The following ADAMTS13 variants were observed in gnomAD, a reference collection of about 807,000 sequenced individuals.
ADAMTS13 encodes ADAM metallopeptidase with thrombospondin type 1 motif 13.
In ADAMTS13, 110 loss-of-function variants were observed where a neutral mutation model predicts 155.1. The observed-to-expected ratio is 0.71, with a 90% CI of 0.61 to 0.83. The LOEUF is 0.83. Among genes scored for constraint, ADAMTS13 ranks in the 40% least tolerant of loss-of-function variants. The pLI is 0.00. For missense variants in ADAMTS13, 1,707 were observed against 1,891.7 expected (o/e 0.90, Z 1.81); for synonymous variants, 758 against 756.4 (o/e 1.00, Z -0.03).
intron 23 of ADAMTS13, among the ~76,000 whole-genome samples, chr9:133,452,238 G>A (rs1033631693): frequency 4.0e-5 from 6 of 151,812 alleles, no homozygotes; most frequent in African/African-American, 7.2e-5. Flanking sequence ...TCAGCTTCCC[G>A]AGTAGCTGGG....
At chr9:133,436,778 A>AGCCGGGC in intron 11 of ADAMTS13, 51 bp from the exon 12 acceptor site, 1 of 433,950 alleles carries the variant, frequency 2.3e-6, no homozygotes, top group Non-Finnish European at 4.6e-6. Context: ...CAGTGACAAC[A>AGCCGGGC]CCCGCCCCCC....
chr9:133,440,636 C>T lies in ADAMTS13; in HGVS notation c.1968+111C>T, dbSNP rs901411643. On this transcript the variant is annotated intron_variant, in intron 16 of 28. Transcript: ENST00000355699. The surrounding 1 kb of genome is among the most constrained non-coding windows in gnomAD (Gnocchi z 4.3). ...CTGATTCGTTCATTTATTCATTCAG[C>T]GGTCACTTACAGGGGACCCACTATG... 2.3e-5 allele frequency: 30 copies of T among 1,308,502 alleles called. 1 individual carries two copies. Among genetic ancestry groups the T allele is most frequent in the Middle Eastern group, 2.7e-4 (1 of 3,750 alleles). The allele number at this position is 1,308,502 out of a possible 1,614,324, so 81.1% of individuals were successfully genotyped here.
rs1841561033 is a variant in ADAMTS13 at position 133,440,246 on chromosome 9, G to A, written c.1787-98G>A. On this transcript the variant is annotated intron_variant, in intron 15 of 28. Transcript: ENST00000355699. This position sits in a 1 kb window ranked among gnomAD's most constrained non-coding sequence, Gnocchi z 4.3. ...CTCAGATGCCTGTGGCTCCTTAGAG[G>A]AGGGCTGGGGACCCCGGGAAGGAGA... 6.7e-7 allele frequency: 1 copy of A among 1,503,758 alleles called. No homozygotes were observed. Among genetic ancestry groups the A allele is most frequent in the African/African-American group, 1.4e-5 (1 of 72,746 alleles). 93.2% of individuals were successfully genotyped at this position (1,503,758 alleles called of 1,614,324 possible).
At chr9:133,418,776 A>C (rs979433795), upstream of ADAMTS13, among the ~76,000 whole-genome samples, 22 of 152,358 alleles carry the variant, frequency 1.4e-4, no homozygotes, top group African/African-American at 4.3e-4. Flanking sequence ...ATAACCGGTT[A>C]GGTCAAGGAT....
intron 11 of ADAMTS13, 43 bp downstream of exon 11, chr9:133,433,747 C>T (rs199534062): frequency 7.5e-6 from 12 of 1,605,196 alleles, no homozygotes; most frequent in Non-Finnish European, 9.3e-6. Context: ...CTGGTGGCAC[C>T]GGGCCCTGGG....
chr9:133,440,484 A>T lies in ADAMTS13; in HGVS notation c.1927A>T (p.Ile643Phe). The T allele has an allele frequency of 6.2e-7, 1 of 1,612,432 alleles. No individual in the cohort carries two copies. Among genetic ancestry groups the T allele is most frequent in the South Asian group, 1.1e-5 (1 of 90,986 alleles). Residue 643 changes from isoleucine to phenylalanine, a missense_variant, in exon 16 of 29, where the codon ATC becomes TTC. Ile to Phe is a conservative substitution (Grantham distance 21, BLOSUM62 0). Coordinates refer to ENST00000355699, the MANE Select transcript of ADAMTS13 (RefSeq NM_139027.6). The surrounding 1 kb of genome is among the most constrained non-coding windows in gnomAD (Gnocchi z 4.3). ...TEDRLPRLEE[I>F]RIWGPLQEDA... Reference sequence around the variant, plus strand: ...GGACCGGCTGCCCCGCCTGGAGGAGATCCGCATCTGGGGACCCCTCCAGGA... The same window carrying T: ...GGACCGGCTGCCCCGCCTGGAGGAGTTCCGCATCTGGGGACCCCTCCAGGA...
upstream of ADAMTS13, among the ~76,000 whole-genome samples, chr9:133,418,707 G>A (rs1048774543): frequency 2.9e-4 from 44 of 152,208 alleles, no homozygotes; most frequent in African/African-American, 1.0e-3. Flanking sequence ...GAACGCAACA[G>A]AACAGGACAG....
At chr9:133,422,628 C>A in intron 1 of ADAMTS13, 80 bp downstream of exon 1, 1 of 1,405,980 alleles carries the variant, frequency 7.1e-7, no homozygotes, top group Non-Finnish European at 1.0e-6. Flanking sequence ...GAGGGGAGTG[C>A]CAAATAGCTG....
chr9:133,456,029 C>T lies in ADAMTS13; in HGVS notation c.3401-40C>T, dbSNP rs199695827. ...CCCCGGAGCCTGCCCTGCTGGGAAT[C>T]GGGGAAGCACTGCTTACCTGTCTCC... On this transcript the variant is annotated intron_variant, in intron 25 of 28. Coordinates refer to ENST00000355699, the MANE Select transcript of ADAMTS13 (RefSeq NM_139027.6). The surrounding 1 kb of genome is among the most constrained non-coding windows in gnomAD (Gnocchi z 4.4). 401 of 1,612,706 alleles carry T rather than the reference C, an allele frequency of 2.5e-4. 2 individuals are homozygous for T. In the Middle Eastern group the frequency reaches 0.011, roughly 43 times the overall value.
intron 1 of ADAMTS13, among the ~76,000 whole-genome samples, 153 bp from the exon 2 acceptor site, chr9:133,422,948 T>C (rs1354044679): frequency 6.7e-6 from 1 of 148,186 alleles, no homozygotes; most frequent in Non-Finnish European, 1.5e-5. Flanking sequence ...TTTTTTTTTT[T>C]TTTTTTTTTA....
chr9:133,449,715 G>A, intron 22 of ADAMTS13, 68 bp from the exon 23 acceptor site: 1 of 1,573,764 alleles, frequency 6.4e-7, no homozygotes, highest in Non-Finnish European at 8.7e-7. Flanking sequence ...AAATGAAGGG[G>A]AGACCTGGCT....
intron 6 of ADAMTS13, among the ~76,000 whole-genome samples, chr9:133,426,684 T>C (rs587775683): frequency 2.2e-4 from 33 of 152,366 alleles, no homozygotes; most frequent in African/African-American, 7.9e-4. Context: ...AGTCTTTTCT[T>C]TACATACACA....
At chr9:133,439,658 T>C (rs587632729) in intron 15 of ADAMTS13, among the ~76,000 whole-genome samples, 1 of 152,308 alleles carries the variant, frequency 6.6e-6, no homozygotes, top group Admixed American at 6.5e-5. Context: ...CAGGTTAGAA[T>C]TGTCCAAGGG....
At chr9:133,444,094 G>A (rs994385439) in intron 19 of ADAMTS13, among the ~76,000 whole-genome samples, 5 of 152,104 alleles carry the variant, frequency 3.3e-5, no homozygotes, top group South Asian at 4.2e-4. Context: ...TCCCCGCCTC[G>A]TCATCCGTGG....
intron 11 of ADAMTS13, among the ~76,000 whole-genome samples, chr9:133,436,299 G>T (rs782112450): frequency 6.6e-6 from 1 of 151,930 alleles, no homozygotes; most frequent in Non-Finnish European, 1.5e-5. Context: ...GGACCACCAA[G>T]ACCTCCCCAG....
rs1554786832 is a variant in ADAMTS13 at position 133,430,120 on chromosome 9, G to A, written c.987+19G>A. ...GCACCTGGTGAGTCTGCCGGCGGTG[G>A]CCTGGGATTGGCTGTGAGGTCCCTC... On this transcript the variant is annotated intron_variant, in intron 8 of 28. Transcript: ENST00000355699. 5 of 1,565,628 alleles carry A rather than the reference G, an allele frequency of 3.2e-6. 1 individual carries two copies. The Middle Eastern group carries it at 6.7e-4, about 210-fold the overall frequency.
intron 11 of ADAMTS13, among the ~76,000 whole-genome samples, chr9:133,434,438 T>A (rs1027056582): frequency 6.6e-6 from 1 of 152,116 alleles, no homozygotes; most frequent in African/African-American, 2.4e-5. Context: ...CCTGAGTAGC[T>A]GGGACTACAG....
chr9:133,430,210 C>T (rs1840649659), intron 8 of ADAMTS13, 109 bp downstream of exon 8: 5 of 1,436,510 alleles, frequency 3.5e-6, no homozygotes, highest in Non-Finnish European at 3.8e-6. Context: ...CCGTGCTAGG[C>T]TGAGGTACTA....
In ADAMTS13 at chr9:133,424,872, C is replaced by T. The variant is rs587655598; in HGVS notation, c.330+394C>T. ...TTCTCTTGTCCCCCGCTCAGAGTGG[C>T]GAGGACAGGTCACCCGTCTGAAGTC... On this transcript the variant is annotated intron_variant, in intron 3 of 28. Coordinates refer to ENST00000355699, the MANE Select transcript of ADAMTS13 (RefSeq NM_139027.6). The surrounding 1 kb of genome is among the most constrained non-coding windows in gnomAD (Gnocchi z 4.3). Among the ~76,000 whole-genome samples the T allele has an allele frequency of 2.6e-5, 4 of 152,312 alleles. No homozygotes were observed. The highest frequency in any genetic ancestry group is 6.5e-5 in the Admixed American group (1 of 15,288).
Sources: gnomAD v4.1 joint callset for allele counts (sites outside exome capture counted in the v4.1 genomes callset) on GRCh38, gnomAD v4.1.1 for gene constraint, Gnocchi (gnomAD v3.1) non-coding constraint, MANE v1.5 for transcripts, NCBI Gene and HGNC (gene_info 2026-07-23, HGNC 2026-07-21) for gene names.